Variants in USP6 observed in about 807,000 individuals in gnomAD.
The protein encoded by USP6 is ubiquitin carboxyl-terminal hydrolase 6.
In USP6, 128 loss-of-function variants were observed where a neutral mutation model predicts 175.7. The ratio of observed to expected loss-of-function variants is 0.73; its 90% CI spans 0.63 to 0.84. USP6 has a LOEUF of 0.84. Among genes scored for constraint, USP6 ranks in the 40% least tolerant of loss-of-function variants. USP6 has a pLI of 0.00. For missense variants in USP6, 1,498 were observed against 1,760.3 expected, an observed-to-expected ratio of 0.85 and a Z score of 2.67; for synonymous variants, 562 against 630.6, an observed-to-expected ratio of 0.89 and a Z score of 1.63.
chr17:5,173,655 G>C lies in USP6; in HGVS notation c.*677G>C, dbSNP rs1273774749. ...AAGAGCTATGTGCCTTCCAACCAGA[G>C]GGAGACCCAGTAGAAAGAAAAACAT... On this transcript the variant is annotated 3_prime_UTR_variant, in exon 38 of 38. Transcript: ENST00000574788. 1 of 218,746 alleles carries C rather than the reference G, an allele frequency of 4.6e-6. No homozygotes were observed. Among genetic ancestry groups the C allele is most frequent in the Admixed American group, 5.8e-5 (1 of 17,226 alleles). The allele number at this position is 218,746 out of a possible 1,614,324, so 13.6% of individuals were successfully genotyped here. A position where few individuals can be genotyped will look rare whatever the true frequency, so the allele number is the denominator to read the frequency against.
chr17:5,173,158 T>C lies in USP6; in HGVS notation c.*180T>C. On this transcript the variant is annotated 3_prime_UTR_variant, in exon 38 of 38. Transcript: ENST00000574788. ...GAAACAATTGTATTTTGAAGTCTCA[T>C]ACAAGCTGTCTGATAGAGAACTTTC... 1 of 850,142 alleles carries C rather than the reference T, an allele frequency of 1.2e-6. No homozygotes were observed. Among genetic ancestry groups the C allele is most frequent in the Non-Finnish European group, 1.8e-6 (1 of 571,114 alleles). The allele number at this position is 850,142 out of a possible 1,614,324, so 52.7% of individuals were successfully genotyped here.
chr17:5,124,859 C>G lies in USP6; in HGVS notation c.-1005C>G, dbSNP rs2072837594. 6.6e-6 allele frequency: 1 copy of G among 152,196 alleles called. No homozygotes were observed. The highest frequency in any genetic ancestry group is 1.5e-5 in the Non-Finnish European group (1 of 68,046). The allele number at this position is 152,196 out of a possible 1,614,324, so 9.4% of individuals were successfully genotyped here. A position where few individuals can be genotyped will look rare whatever the true frequency, so the allele number is the denominator to read the frequency against. ...CAGCCCCCAAAGTGTGCTGCGGGAC[C>G]CTTGGGTGGGTGTAGGTATGCAAGG... On this transcript the variant is annotated 5_prime_UTR_variant, in exon 5 of 38. Coordinates refer to ENST00000574788, the MANE Select transcript of USP6 (RefSeq NM_001304284.2).
At chr17:5,119,338 A>C (rs571523035) in intron 2 of USP6, among the ~76,000 whole-genome samples, 1 of 152,328 alleles carries the variant, frequency 6.6e-6, no homozygotes, top group African/African-American at 2.4e-5. Flanking sequence ...TACAAATTGG[A>C]CATTACTACA....
intron 21 of USP6, 94 bp from the exon 22 acceptor site, chr17:5,139,161 C>G: frequency 1.3e-6 from 2 of 1,598,104 alleles, no homozygotes; most frequent in Non-Finnish European, 1.7e-6. Flanking sequence ...CACAGAGACC[C>G]CAAGGACTCC....
rs1281969633 is a variant in USP6 at position 5,174,497 on chromosome 17, G to GA, written c.*1525dup. ...GCTACCTAAATTGAAATCCTTTTCA[G>GA]AAAAAATATAATTGCAAGTAGGTAG... On this transcript the variant is annotated 3_prime_UTR_variant, in exon 38 of 38. Transcript: ENST00000574788. 5 of 191,424 alleles carry GA rather than the reference G, an allele frequency of 2.6e-5. No individual in the cohort carries two copies. Among genetic ancestry groups the GA allele is most frequent in the African/African-American group, 1.2e-4 (5 of 42,978 alleles). The allele number at this position is 191,424 out of a possible 1,614,324, so 11.9% of individuals were successfully genotyped here.
Position 5,161,624 on chromosome 17 carries a change from C to A in USP6, c.2915+10C>A. ...GGTGCCCACAGTATAGGTAAAGTGA[C>A]CTGCAAAAGAATTACTTTAGTAGAA... On this transcript the variant is annotated intron_variant, in intron 32 of 37. Transcript: ENST00000574788. The A allele has an allele frequency of 6.2e-7, 1 of 1,612,270 alleles. No homozygotes were observed. The highest frequency in any genetic ancestry group is 8.5e-7 in the Non-Finnish European group (1 of 1,178,748).
Position 5,126,252 on chromosome 17 carries a change from G to A in USP6, c.-474+314G>A, listed in dbSNP as rs568244851. On this transcript the variant is annotated intron_variant, in intron 6 of 37. Coordinates refer to ENST00000574788, the MANE Select transcript of USP6 (RefSeq NM_001304284.2). ...GCTGCTTAGGGCCCAAGCCAAGTGC[G>A]CAAGTTTCCTGGGGAGCCTAGTGAG... Among the ~76,000 whole-genome samples, 43 of 152,252 alleles carry A rather than the reference G, an allele frequency of 2.8e-4. 2 individuals are homozygous for A. The South Asian group carries it at 7.3e-3, about 26-fold the overall frequency.
chr17:5,148,528 G>A, intron 29 of USP6, 28 bp from the exon 30 acceptor site: 1 of 1,611,560 alleles, frequency 6.2e-7, no homozygotes, highest in Non-Finnish European at 8.5e-7. Context: ...ACAAGCTTAT[G>A]ATGCTGTACT....
At chr17:5,155,680 CAG>C (rs1425991328) in intron 31 of USP6, 74 bp downstream of exon 31, 11 of 1,455,152 alleles carry the variant, frequency 7.6e-6, no homozygotes, top group Middle Eastern at 1.8e-4. Flanking sequence ...TTCTACATGA[CAG>C]ATAGGGCCCA....
intron 33 of USP6, among the ~76,000 whole-genome samples, chr17:5,167,449 A>T (rs1460548795): frequency 2.6e-5 from 4 of 152,234 alleles, no homozygotes; most frequent in Non-Finnish European, 5.9e-5. Flanking sequence ...AATGTTACTG[A>T]TGTAACATTT....
intron 31 of USP6, among the ~76,000 whole-genome samples, chr17:5,158,616 A>G (rs1188292520): frequency 0.011 from 164 of 14,900 alleles, no homozygotes; most frequent in East Asian, 0.02. Context: ...GGAGAGGGGG[A>G]GAGAGAGAGA....
At chr17:5,123,830 C>T (rs1302570494) in intron 4 of USP6, among the ~76,000 whole-genome samples, 1 of 152,064 alleles carries the variant, frequency 6.6e-6, no homozygotes, top group Non-Finnish European at 1.5e-5. Flanking sequence ...AACATGCACA[C>T]ATACAGAGTT....
chr17:5,143,045 C>A (rs2073493911), intron 25 of USP6, among the ~76,000 whole-genome samples: 1 of 151,750 alleles, frequency 6.6e-6, no homozygotes, highest in East Asian at 1.9e-4. Flanking sequence ...AATTATCAGC[C>A]CCCCGCCCAG....
chr17:5,121,911 A>C (rs1409449394), intron 4 of USP6, among the ~76,000 whole-genome samples, 161 bp downstream of exon 4: 1 of 152,186 alleles, frequency 6.6e-6, no homozygotes, highest in African/African-American at 2.4e-5. Flanking sequence ...AGTCTGATTG[A>C]GGAGCCTTGA....
intron 9 of USP6, 31 bp from the exon 10 acceptor site, chr17:5,130,336 A>T: frequency 6.2e-7 from 1 of 1,612,308 alleles, no homozygotes; most frequent in Non-Finnish European, 8.5e-7. Context: ...TGTCGGGTAC[A>T]GTGTAACCTT....
At chr17:5,150,902 T>C (rs1335083524) in intron 30 of USP6, among the ~76,000 whole-genome samples, 3 of 152,194 alleles carry the variant, frequency 2.0e-5, no homozygotes, top group Admixed American at 6.5e-5. Flanking sequence ...TTGTCTCTTC[T>C]AACCTCTGGT....
rs1228628864 is a variant in USP6, at chr17:5,116,522, A to G, written c.-2146A>G. ...GGAAAAGGCCAGTGCCTGTCCGGGA[A>G]GAGCTCAGCCTAGTGGGGCGGGCGA... is the stretch of plus-strand genomic sequence containing the variant. On this transcript the variant is annotated 5_prime_UTR_variant, in exon 1 of 38. Transcript: ENST00000574788. 1 of 152,292 alleles carries G rather than the reference A, an allele frequency of 6.6e-6. No individual in the cohort carries two copies. The highest frequency in any genetic ancestry group is 1.5e-5 in the Non-Finnish European group (1 of 68,086). The allele number at this position is 152,292 out of a possible 1,614,324, so 9.4% of individuals were successfully genotyped here. A position where few individuals can be genotyped will look rare whatever the true frequency, so the allele number is the denominator to read the frequency against.
intron 33 of USP6, among the ~76,000 whole-genome samples, chr17:5,164,243 A>G (rs1405060330): frequency 6.6e-6 from 1 of 152,236 alleles, no homozygotes; most frequent in African/African-American, 2.4e-5. Context: ...GAAACTACCA[A>G]TTCTAGACCT....
Position 5,138,217 on chromosome 17 carries a change from A to T in USP6, c.1022A>T (p.His341Leu). 1 of 1,614,042 alleles carries T rather than the reference A, an allele frequency of 6.2e-7. No individual in the cohort carries two copies. The highest frequency in any genetic ancestry group is 2.2e-5 in the East Asian group (1 of 44,864). The change falls in exon 21 of 38, where the codon CAT becomes CTT. Residue 341 changes from histidine (H) to leucine (L), a missense_variant. Transcript: ENST00000574788. Reference sequence around the variant, plus strand: ...ATGAACGATGACACCGTGCTCAAGCATCTTAGGGCCTCTACGAAGAAACTA... The same window carrying T: ...ATGAACGATGACACCGTGCTCAAGCTTCTTAGGGCCTCTACGAAGAAACTA... ...WAMNDDTVLK[H>L]LRASTKKLTR...
Sources: gnomAD v4.1 joint callset for allele counts (sites outside exome capture counted in the v4.1 genomes callset) on GRCh38, gnomAD v4.1.1 for gene constraint, MANE v1.5 for transcripts, NCBI Gene and HGNC (gene_info 2026-07-23, HGNC 2026-07-21) for gene names.